TNFSF4: variants seen among roughly 807,000 people sequenced by gnomAD.
The protein encoded by TNFSF4 is TNF superfamily member 4.
Under a neutral mutation model 7.3 loss-of-function variants are expected in TNFSF4, and 4 were observed. The ratio of observed to expected loss-of-function variants is 0.55; its 90% CI spans 0.27 to 1.25. The LOEUF is 1.25. Among genes scored for constraint, TNFSF4 ranks in the 50% most tolerant of loss-of-function variants. The pLI is 0.12. For missense variants in TNFSF4, 181 were observed against 208.8 expected, an observed-to-expected ratio of 0.87 and a Z score of 0.82; for synonymous variants, 76 against 83.7, an observed-to-expected ratio of 0.91 and a Z score of 0.50.
chr1:173,309,906 A>G, the TNFSF4 span, among the ~76,000 whole-genome samples: 1 of 151,854 alleles, frequency 6.6e-6, no homozygotes, highest in African/African-American at 2.4e-5. Flanking sequence ...AAAATCTGGT[A>G]TTTGTATTTT....
chr1:173,426,647 G>C, the TNFSF4 span, among the ~76,000 whole-genome samples: 1 of 151,914 alleles, frequency 6.6e-6, no homozygotes, highest in African/African-American at 2.4e-5. Flanking sequence ...CCAGGCTAGA[G>C]TGCAGTGACA....
the TNFSF4 span, among the ~76,000 whole-genome samples, chr1:173,392,723 A>G: frequency 2.0e-5 from 3 of 152,230 alleles, no homozygotes; most frequent in African/African-American, 7.2e-5. Context: ...AAGACCATCT[A>G]TAATCACTAA....
At chr1:173,261,798 A>G in the TNFSF4 span, among the ~76,000 whole-genome samples, 1 of 152,274 alleles carries the variant, frequency 6.6e-6, no homozygotes, top group East Asian at 1.9e-4. Context: ...GAATCCCTGA[A>G]TAGACCAATA....
the TNFSF4 span, among the ~76,000 whole-genome samples, chr1:173,370,592 G>T: frequency 0.011 from 1,603 of 152,268 alleles, 39 homozygotes; most frequent in African/African-American, 0.035. Flanking sequence ...CCTGTCACCT[G>T]ACTCCCTTGA....
the TNFSF4 span, among the ~76,000 whole-genome samples, chr1:173,246,119 G>C: frequency 1.3e-5 from 2 of 152,028 alleles, no homozygotes; most frequent in African/African-American, 4.8e-5. Flanking sequence ...TCTTATTTAG[G>C]GTAGTCCTAT....
At chr1:173,265,663 G>A in the TNFSF4 span, among the ~76,000 whole-genome samples, 1 of 151,978 alleles carries the variant, frequency 6.6e-6, no homozygotes, top group African/African-American at 2.4e-5. Flanking sequence ...CACACACTCT[G>A]TCTATGCAAA....
chr1:173,378,525 G>A, the TNFSF4 span, among the ~76,000 whole-genome samples: 9 of 152,144 alleles, frequency 5.9e-5, no homozygotes, highest in African/African-American at 1.7e-4. Context: ...TGAAAAAGAG[G>A]TGGCTCATTT....
chr1:173,404,450 A>G, the TNFSF4 span, among the ~76,000 whole-genome samples: 5 of 152,292 alleles, frequency 3.3e-5, no homozygotes, highest in East Asian at 7.7e-4. Context: ...AGAACTTACC[A>G]TGTACCAGGT....
At chr1:173,416,638 T>TGAGAGA in the TNFSF4 span, among the ~76,000 whole-genome samples, 5 of 110,140 alleles carry the variant, frequency 4.5e-5, no homozygotes, top group East Asian at 3.1e-4. Flanking sequence ...ATTTATTTTT[T>TGAGAGA]GAGAGAGAGA....
chr1:173,199,074 T>A (rs1232277818), intron 1 of TNFSF4, among the ~76,000 whole-genome samples: 3 of 152,232 alleles, frequency 2.0e-5, no homozygotes. Flanking sequence ...AACTTCTTAC[T>A]GAAGAACCGT....
chr1:173,346,528 CA>C, the TNFSF4 span, among the ~76,000 whole-genome samples: 1 of 152,104 alleles, frequency 6.6e-6, no homozygotes, highest in Non-Finnish European at 1.5e-5. Flanking sequence ...CATGTGAAAG[CA>C]TTCCTGGATG....
chr1:173,236,010 T>C, the TNFSF4 span, among the ~76,000 whole-genome samples: 42 of 152,198 alleles, frequency 2.8e-4, no homozygotes, highest in Non-Finnish European at 5.0e-4. Flanking sequence ...TAAAAAAATA[T>C]ATAGAATCAT....
chr1:173,207,068 G>A lies in TNFSF4; in HGVS notation c.109C>T (p.Leu37Phe), dbSNP rs1424389054. 6.2e-7 allele frequency: 1 copy of A among 1,613,642 alleles called. No individual in the cohort carries two copies. The highest frequency in any genetic ancestry group is 2.2e-5 in the East Asian group (1 of 44,860). Residue 37 changes from leucine (L) to phenylalanine (F), a missense_variant, in exon 1 of 3, where the codon CTC becomes TTC. Transcript: ENST00000281834. ...AGGCAGATGTAGGTGAAGCACAGGAGCAGCCCCAGTCCCTGAATTACAGAG... is the reference window on the plus strand; with the variant it reads ...AGGCAGATGTAGGTGAAGCACAGGAACAGCCCCAGTCCCTGAATTACAGAG... Reference protein sequence around the residue: ...VASVIQGLGLLLCFTYICLHF... With the variant: ...VASVIQGLGLFLCFTYICLHF...
At chr1:173,404,824 G>T in the TNFSF4 span, among the ~76,000 whole-genome samples, 1 of 151,950 alleles carries the variant, frequency 6.6e-6, no homozygotes, top group African/African-American at 2.4e-5. Context: ...TAGAAATGGG[G>T]TTTCACCATG....
the TNFSF4 span, among the ~76,000 whole-genome samples, chr1:173,401,106 A>G: frequency 2.6e-4 from 39 of 152,110 alleles, no homozygotes; most frequent in Admixed American, 3.9e-4. Flanking sequence ...TAATCGTAGT[A>G]TTTAAGTTTT....
the TNFSF4 span, among the ~76,000 whole-genome samples, chr1:173,447,699 A>G: frequency 1.1e-4 from 17 of 152,352 alleles, no homozygotes; most frequent in Non-Finnish European, 2.2e-4. Flanking sequence ...AAACATAGTG[A>G]GACATCAATA....
At chr1:173,441,316 C>A in the TNFSF4 span, among the ~76,000 whole-genome samples, 1 of 152,018 alleles carries the variant, frequency 6.6e-6, no homozygotes, top group African/African-American at 2.4e-5. Context: ...CTCAATCTCA[C>A]TTCCTCTCCT....
At chr1:173,317,633 A>G in the TNFSF4 span, among the ~76,000 whole-genome samples, 1 of 152,272 alleles carries the variant, frequency 6.6e-6, no homozygotes, top group African/African-American at 2.4e-5. Context: ...CCACATGAAG[A>G]AACTATAAAA....
chr1:173,380,677 G>C, the TNFSF4 span, among the ~76,000 whole-genome samples: 3 of 151,964 alleles, frequency 2.0e-5, no homozygotes, highest in Non-Finnish European at 2.9e-5. Context: ...TCACTCTCTC[G>C]AATGGTTCCT....
Sources: gnomAD v4.1 joint callset for allele counts (sites outside exome capture counted in the v4.1 genomes callset) on GRCh38, gnomAD v4.1.1 for gene constraint, MANE v1.5 for transcripts, NCBI Gene and HGNC (gene_info 2026-07-23, HGNC 2026-07-21) for gene names.